EPHA5: variants seen among roughly 807,000 people sequenced by gnomAD.
The protein encoded by EPHA5 is ephrin type-A receptor 5.
Under a neutral mutation model 105.0 loss-of-function variants are expected in EPHA5, and 60 were observed. That is an observed-to-expected ratio of 0.57 (90% confidence interval 0.46 to 0.71). The LOEUF is 0.71. Among genes scored for constraint, EPHA5 ranks in the 30% least tolerant of loss-of-function variants. EPHA5 has a pLI of 0.00. For synonymous variants in EPHA5, 513 were observed against 449.1 expected (o/e 1.14, Z -1.80); for missense variants, 1,218 against 1,274.7 (o/e 0.96, Z 0.68).
At chr4:65,451,026 A>G (rs768110836) in intron 5 of EPHA5, among the ~76,000 whole-genome samples, 2 of 152,118 alleles carry the variant, frequency 1.3e-5, no homozygotes, top group Non-Finnish European at 2.9e-5. Flanking sequence ...GGAAAACCTT[A>G]TTCTTCAATA....
intron 1 of EPHA5, among the ~76,000 whole-genome samples, chr4:65,658,493 G>A (rs1749261578): frequency 6.6e-6 from 1 of 152,042 alleles, no homozygotes; most frequent in Non-Finnish European, 1.5e-5. Context: ...AGTACTCACT[G>A]ACTAATGTAA....
intron 3 of EPHA5, among the ~76,000 whole-genome samples, chr4:65,521,073 C>T (rs937286577): frequency 7.2e-5 from 11 of 152,122 alleles, no homozygotes; most frequent in Non-Finnish European, 1.5e-4. Flanking sequence ...GACACATGCA[C>T]ATGTATGTTT....
At chr4:65,515,570 A>G (rs1393905256) in intron 3 of EPHA5, among the ~76,000 whole-genome samples, 2 of 152,126 alleles carry the variant, frequency 1.3e-5, no homozygotes, top group Non-Finnish European at 2.9e-5. Flanking sequence ...GTACCTAAGT[A>G]TTTTATGGTT....
chr4:65,500,055 C>A (rs1261675699), intron 3 of EPHA5, among the ~76,000 whole-genome samples: 1 of 150,884 alleles, frequency 6.6e-6, no homozygotes, highest in Non-Finnish European at 1.5e-5. Flanking sequence ...AATGAACAAA[C>A]AATGATAGAG....
At chr4:65,476,053 A>T (rs1035977991) in intron 5 of EPHA5, among the ~76,000 whole-genome samples, 1 of 149,634 alleles carries the variant, frequency 6.7e-6, no homozygotes. Flanking sequence ...TACAAATGTA[A>T]TTTTTTTTCA....
intron 7 of EPHA5, among the ~76,000 whole-genome samples, chr4:65,410,327 C>T (rs987581808): frequency 1.3e-5 from 2 of 152,186 alleles, no homozygotes; most frequent in African/African-American, 4.8e-5. Flanking sequence ...AAGGCACGTA[C>T]TGCATGTTTC....
chr4:65,523,553 T>TTGGTG (rs1734959944), intron 3 of EPHA5, among the ~76,000 whole-genome samples: 1 of 152,032 alleles, frequency 6.6e-6, no homozygotes, highest in Non-Finnish European at 1.5e-5. Context: ...AAAAACTTTT[T>TTGGTG]ATAACCAAAC....
chr4:65,563,006 AAAAT>A (rs1342379363), intron 3 of EPHA5, among the ~76,000 whole-genome samples: 5 of 151,924 alleles, frequency 3.3e-5, no homozygotes, highest in Non-Finnish European at 7.4e-5. Flanking sequence ...AAATAAGGAT[AAAAT>A]AAATATACTA....
chr4:65,596,710 A>G (rs1743229822), intron 3 of EPHA5, among the ~76,000 whole-genome samples: 1 of 151,456 alleles, frequency 6.6e-6, no homozygotes, highest in African/African-American at 2.4e-5. Context: ...ACACACACCA[A>G]CACAACACAC....
At chr4:65,648,651 C>G (rs565129098) in intron 1 of EPHA5, among the ~76,000 whole-genome samples, 1 of 152,306 alleles carries the variant, frequency 6.6e-6, no homozygotes, top group Non-Finnish European at 1.5e-5. Context: ...CCTTCTCTTT[C>G]TCTAAAGGCA....
At chr4:65,565,605 C>T (rs1390242167) in intron 3 of EPHA5, among the ~76,000 whole-genome samples, 1 of 150,800 alleles carries the variant, frequency 6.6e-6, no homozygotes, top group Admixed American at 6.6e-5. Flanking sequence ...ATAAACAATA[C>T]TTCAAATAAT....
chr4:65,402,914 C>A (rs1721989988), intron 8 of EPHA5, among the ~76,000 whole-genome samples: 1 of 152,104 alleles, frequency 6.6e-6, no homozygotes, highest in South Asian at 2.1e-4. Flanking sequence ...ATAGGTTGTG[C>A]ATTCTCCCCA....
chr4:65,606,345 T>C (rs1017739145), intron 2 of EPHA5, among the ~76,000 whole-genome samples: 1 of 152,144 alleles, frequency 6.6e-6, no homozygotes, highest in Non-Finnish European at 1.5e-5. Context: ...ATATAACTTC[T>C]TAATTCAGAG....
Position 65,495,542 on chromosome 4 carries a change from C to A in EPHA5, c.912G>T (p.Val304=), listed in dbSNP as rs1423277280. Residue 304 remains valine (V), a splice_region_variant and synonymous_variant, in exon 4 of 17, where the codon GTG becomes GTT. Transcript: ENST00000613740. ...GYEEKNGTCQ[V]CRPGFFKASP... is the part of the protein sequence containing the mutation. Reference sequence around the variant, plus strand: ...AGGCTTTGAAGAACCCAGGTCTGCACACTGTCAAAAGAAATAAGAGACTAA... The same window carrying A: ...AGGCTTTGAAGAACCCAGGTCTGCAAACTGTCAAAAGAAATAAGAGACTAA... 1 of 1,608,376 alleles carries A rather than the reference C, an allele frequency of 6.2e-7. No individual in the cohort carries two copies.
intron 11 of EPHA5, among the ~76,000 whole-genome samples, chr4:65,353,652 G>A (rs1024025005): frequency 3.3e-5 from 5 of 151,470 alleles, no homozygotes; most frequent in Admixed American, 2.0e-4. Context: ...AATATTCAGC[G>A]AAACACTTGG....
chr4:65,522,334 A>ATATACATATATATATATATATAT (rs1560643533), intron 3 of EPHA5, among the ~76,000 whole-genome samples: 1 of 149,928 alleles, frequency 6.7e-6, no homozygotes, highest in African/African-American at 2.5e-5. Context: ...ATATATATAT[A>ATATACATATATATATATATATAT]AAATCAACAG....
At chr4:65,550,032 A>G (rs528622011) in intron 3 of EPHA5, among the ~76,000 whole-genome samples, 1 of 152,126 alleles carries the variant, frequency 6.6e-6, no homozygotes, top group African/African-American at 2.4e-5. Flanking sequence ...AAATGACATC[A>G]TGTTAAAACA....
intron 3 of EPHA5, among the ~76,000 whole-genome samples, chr4:65,558,822 G>A (rs113912280): frequency 1.1e-4 from 16 of 152,108 alleles, no homozygotes; most frequent in African/African-American, 3.4e-4. Context: ...TTGGGGACCT[G>A]GCATTTTATT....
At chr4:65,385,004 G>T (rs1042365117) in intron 8 of EPHA5, among the ~76,000 whole-genome samples, 1 of 151,256 alleles carries the variant, frequency 6.6e-6, no homozygotes, top group Non-Finnish European at 1.5e-5. Context: ...AAGAACGTAG[G>T]ATTATCATGA....
Sources: allele counts gnomAD v4.1 joint callset (sites outside exome capture counted in the v4.1 genomes callset), GRCh38; gene constraint gnomAD v4.1.1; transcripts MANE v1.5; gene names NCBI Gene and HGNC (gene_info 2026-07-23, HGNC 2026-07-21).